GRID2: variants seen among roughly 807,000 people sequenced by gnomAD.
GRID2 encodes glutamate ionotropic receptor delta type subunit 2, also known as glutamate receptor ionotropic, delta-2.
A neutral mutation model predicts 114.8 loss-of-function variants in GRID2; 33 were observed. That is an observed-to-expected ratio of 0.29 (90% CI 0.22 to 0.38). The LOEUF (loss-of-function observed/expected upper bound fraction) is 0.38, where lower values mean the gene tolerates loss of function less well. Among genes scored for constraint, GRID2 ranks in the 10% least tolerant of loss-of-function variants. GRID2 has a pLI of 1.00. For synonymous variants in GRID2, 505 were observed against 449.9 expected (o/e 1.12, Z -1.55); for missense variants, 1,184 against 1,257.7 (o/e 0.94, Z 0.89).
At chr4:92,912,114 C>G (rs986095700) in intron 2 of GRID2, among the ~76,000 whole-genome samples, 2 of 151,922 alleles carry the variant, frequency 1.3e-5, no homozygotes, top group Middle Eastern at 3.4e-3. Context: ...AGACAAAACA[C>G]TTTCTTGAAG....
intron 2 of GRID2, among the ~76,000 whole-genome samples, chr4:92,944,472 C>T (rs1751450808): frequency 6.6e-6 from 1 of 152,224 alleles, no homozygotes; most frequent in Non-Finnish European, 1.5e-5. Context: ...TGCCGTCTGT[C>T]ACCCCTTTCT....
intron 2 of GRID2, among the ~76,000 whole-genome samples, chr4:92,900,004 A>T (rs1415022834): frequency 6.6e-6 from 1 of 152,130 alleles, no homozygotes; most frequent in Non-Finnish European, 1.5e-5. Context: ...AGGGGAAAGG[A>T]TGTAAATTTG....
chr4:92,749,190 G>A (rs2149337237), intron 2 of GRID2, among the ~76,000 whole-genome samples: 1 of 152,080 alleles, frequency 6.6e-6, no homozygotes, highest in South Asian at 2.1e-4. Flanking sequence ...TTTTAGTAGA[G>A]ACGGGGCTTC....
chr4:93,371,029 A>G (rs1226808557), intron 8 of GRID2, among the ~76,000 whole-genome samples: 1 of 152,212 alleles, frequency 6.6e-6, no homozygotes, highest in African/African-American at 2.4e-5. Flanking sequence ...ATATGGAGAC[A>G]CTCCATTGTA....
Position 92,523,558 on chromosome 4 carries a change from G to T in GRID2, c.89-66573G>T, listed in dbSNP as rs79115226. On this transcript the variant is annotated intron_variant, in intron 1 of 15. Coordinates refer to ENST00000282020, the MANE Select transcript of GRID2 (RefSeq NM_001510.4). Reference sequence around the variant, plus strand: ...GACATGTGAAAGAAATTATAGACTGGTTATAGCAAGGAAAGTCATGAGTCA... The same window carrying T: ...GACATGTGAAAGAAATTATAGACTGTTTATAGCAAGGAAAGTCATGAGTCA... Among the ~76,000 whole-genome samples the T allele has an allele frequency of 7.1e-4, 108 of 152,068 alleles. 5 individuals carry two copies. In the East Asian group the frequency reaches 0.021, roughly 30 times the overall value.
intron 14 of GRID2, among the ~76,000 whole-genome samples, chr4:93,666,500 A>G (rs898777819): frequency 6.6e-6 from 1 of 152,060 alleles, no homozygotes; most frequent in East Asian, 1.9e-4. Context: ...GAAGAGTGCA[A>G]TAATTATTAT....
At chr4:92,989,147 C>G (rs1754690321) in intron 2 of GRID2, among the ~76,000 whole-genome samples, 1 of 151,544 alleles carries the variant, frequency 6.6e-6, no homozygotes, top group African/African-American at 2.4e-5. Flanking sequence ...TGTGGTGGCA[C>G]ACGCCTGTAG....
intron 8 of GRID2, among the ~76,000 whole-genome samples, chr4:93,265,816 T>A (rs1357166761): frequency 6.6e-6 from 1 of 152,154 alleles, no homozygotes; most frequent in Non-Finnish European, 1.5e-5. Context: ...CAGTTCAAAA[T>A]CAAACAATGA....
At chr4:92,880,039 G>A (rs1034992028) in intron 2 of GRID2, among the ~76,000 whole-genome samples, 7 of 152,210 alleles carry the variant, frequency 4.6e-5, no homozygotes, top group African/African-American at 1.4e-4. Flanking sequence ...GGAATTTTTT[G>A]TCCAGTTTTG....
chr4:93,491,883 C>T (rs1727042094), intron 12 of GRID2, among the ~76,000 whole-genome samples: 1 of 151,748 alleles, frequency 6.6e-6, no homozygotes, highest in African/African-American at 2.4e-5. Flanking sequence ...AATTGAAACT[C>T]CCATATTCAA....
At chr4:92,398,163 T>C (rs1226797942) in intron 1 of GRID2, among the ~76,000 whole-genome samples, 2 of 152,258 alleles carry the variant, frequency 1.3e-5, no homozygotes, top group Admixed American at 6.5e-5. Flanking sequence ...AATAAAATCA[T>C]ATGCAATTAA....
intron 1 of GRID2, among the ~76,000 whole-genome samples, chr4:92,516,906 G>T (rs190851154): frequency 6.6e-6 from 1 of 151,780 alleles, no homozygotes; most frequent in African/African-American, 2.4e-5. Flanking sequence ...TCTTTCTATG[G>T]ATTTTATTAT....
intron 1 of GRID2, among the ~76,000 whole-genome samples, chr4:92,316,135 G>T (rs1413136342): frequency 6.6e-6 from 1 of 152,018 alleles, no homozygotes; most frequent in Non-Finnish European, 1.5e-5. Context: ...TGGGTTAGTG[G>T]TTTAGTGGCA....
At chr4:92,731,492 T>TA (rs767423658) in intron 2 of GRID2, among the ~76,000 whole-genome samples, 8 of 151,884 alleles carry the variant, frequency 5.3e-5, no homozygotes, top group Admixed American at 1.3e-4. Flanking sequence ...ATAAATTTGA[T>TA]AAAAAAGATG....
At chr4:92,339,522 A>G (rs956348400) in intron 1 of GRID2, among the ~76,000 whole-genome samples, 3 of 150,908 alleles carry the variant, frequency 2.0e-5, no homozygotes, top group Admixed American at 2.0e-4. Flanking sequence ...TATTTCATAC[A>G]TTATTATGAT....
At chr4:93,424,447 A>AT (rs1462103875) in intron 10 of GRID2, among the ~76,000 whole-genome samples, 1 of 152,060 alleles carries the variant, frequency 6.6e-6, no homozygotes, top group Non-Finnish European at 1.5e-5. Context: ...TTCTTACTGG[A>AT]TATCAAACTC....
Position 93,772,680 on chromosome 4 carries a change from C to T in GRID2, c.*182C>T. On this transcript the variant is annotated 3_prime_UTR_variant, in exon 16 of 16. Transcript: ENST00000282020. ...TCTCCTCTATGATTTTCTCTCTTTC[C>T]CCCTCCCTTCCTGTACATTTTCCTC... 1 of 543,686 alleles carries T rather than the reference C, an allele frequency of 1.8e-6. No individual in the cohort carries two copies. The highest frequency in any genetic ancestry group is 3.2e-6 in the Non-Finnish European group (1 of 311,744). 33.7% of individuals were successfully genotyped at this position (543,686 alleles called of 1,614,324 possible).
chr4:93,032,631 T>C (rs927399015), intron 2 of GRID2, among the ~76,000 whole-genome samples: 1 of 152,206 alleles, frequency 6.6e-6, no homozygotes, highest in African/African-American at 2.4e-5. Flanking sequence ...ACTATGTTCC[T>C]GCAAAGCAAT....
rs1184491141 is a variant in GRID2 at position 92,546,817 on chromosome 4, G to T, written c.89-43314G>T. ...AATAATCAGTAGTAATTATTAATATGTTCAGTGGAGATTAGACCTTGAGAA... is the reference window on the plus strand; with the variant it reads ...AATAATCAGTAGTAATTATTAATATTTTCAGTGGAGATTAGACCTTGAGAA... On this transcript the variant is annotated intron_variant, in intron 1 of 15. Coordinates refer to ENST00000282020, the MANE Select transcript of GRID2 (RefSeq NM_001510.4). Among the ~76,000 whole-genome samples, 5 of 152,284 alleles carry T rather than the reference G, an allele frequency of 3.3e-5. No homozygotes were observed. The South Asian group carries it at 6.2e-4, about 19-fold the overall frequency.
Sources: allele counts gnomAD v4.1 joint callset (sites outside exome capture counted in the v4.1 genomes callset), GRCh38; gene constraint gnomAD v4.1.1; transcripts MANE v1.5; gene names NCBI Gene and HGNC (gene_info 2026-07-23, HGNC 2026-07-21).